AKAP19: variants seen among roughly 807,000 people sequenced by gnomAD.
AKAP19 encodes the protein small A-kinase anchoring protein.
chr2:190,040,018 C>A, the AKAP19 span, among the ~76,000 whole-genome samples: 4 of 152,158 alleles, frequency 2.6e-5, no homozygotes, highest in African/African-American at 9.7e-5. Context: ...GAATGGTTTA[C>A]ATACATCTGG....
chr2:190,063,670 T>C, the AKAP19 span, among the ~76,000 whole-genome samples: 1 of 152,134 alleles, frequency 6.6e-6, no homozygotes, highest in African/African-American at 2.4e-5. Flanking sequence ...AGCATCATGA[T>C]AAAGGGGTGA....
chr2:190,079,961 G>T, the AKAP19 span: 1 of 151,728 alleles, frequency 6.6e-6, no homozygotes, highest in African/African-American at 2.4e-5. Context: ...TAGCCTATTG[G>T]ACCTGCCAGC....
At chr2:189,967,588 C>T in the AKAP19 span, among the ~76,000 whole-genome samples, 5,139 of 151,892 alleles carry the variant, frequency 0.034, 273 homozygotes, top group African/African-American at 0.11. Context: ...AGAATGTCAC[C>T]AAAAGAAATT....
At chr2:190,188,787 T>C in the AKAP19 span, among the ~76,000 whole-genome samples, 1 of 152,204 alleles carries the variant, frequency 6.6e-6, no homozygotes, top group Non-Finnish European at 1.5e-5. Context: ...AACTTTTTTT[T>C]CCCTCTTGGC....
At chr2:190,038,907 C>CTTTCTTTCTTTCTTTCTTTCTTT in the AKAP19 span, among the ~76,000 whole-genome samples, 1 of 75,948 alleles carries the variant, frequency 1.3e-5, no homozygotes, top group African/African-American at 9.7e-5. Flanking sequence ...TTTCTTTCTT[C>CTTTCTTTCTTTCTTTCTTTCTTT]TTCTTCTTCT....
the AKAP19 span, among the ~76,000 whole-genome samples, chr2:190,043,405 T>C: frequency 6.6e-6 from 1 of 152,332 alleles, no homozygotes; most frequent in South Asian, 2.1e-4. Flanking sequence ...TATTCTTTTT[T>C]CTTTATTTTT....
chr2:190,004,420 TAC>T, the AKAP19 span, among the ~76,000 whole-genome samples: 1 of 152,180 alleles, frequency 6.6e-6, no homozygotes, highest in Non-Finnish European at 1.5e-5. Flanking sequence ...TGAAAATTCT[TAC>T]AGTGACCCGT....
chr2:189,949,921 C>T, the AKAP19 span, among the ~76,000 whole-genome samples: 2 of 151,580 alleles, frequency 1.3e-5, no homozygotes, highest in Non-Finnish European at 2.9e-5. Context: ...TGAGCCACCA[C>T]GCCTGGCCTG....
At chr2:190,129,152 T>A in the AKAP19 span, among the ~76,000 whole-genome samples, 1 of 152,214 alleles carries the variant, frequency 6.6e-6, no homozygotes, top group Non-Finnish European at 1.5e-5. Flanking sequence ...TCTGCCTCAT[T>A]TTTTAATAGC....
the AKAP19 span, among the ~76,000 whole-genome samples, chr2:190,020,794 A>G: frequency 6.6e-5 from 10 of 152,142 alleles, no homozygotes; most frequent in Admixed American, 2.0e-4. Context: ...TCTACTTTCT[A>G]TCTTTATGAG....
chr2:190,131,385 T>C, the AKAP19 span, among the ~76,000 whole-genome samples: 1 of 152,274 alleles, frequency 6.6e-6, no homozygotes, highest in East Asian at 1.9e-4. Flanking sequence ...ATCCCTGAAC[T>C]ATGGGGTTTG....
the AKAP19 span, among the ~76,000 whole-genome samples, chr2:190,025,250 A>T: frequency 1.2e-4 from 19 of 152,166 alleles, no homozygotes; most frequent in African/African-American, 4.6e-4. Flanking sequence ...TGAATTATAC[A>T]CAATTTGTTA....
chr2:190,021,999 G>A, the AKAP19 span, among the ~76,000 whole-genome samples: 2 of 152,164 alleles, frequency 1.3e-5, no homozygotes, highest in Middle Eastern at 3.2e-3. Flanking sequence ...ATGGCATCAC[G>A]TGGTTAGGGG....
the AKAP19 span, among the ~76,000 whole-genome samples, chr2:189,946,999 TAA>T: frequency 6.6e-6 from 1 of 152,242 alleles, no homozygotes; most frequent in Non-Finnish European, 1.5e-5. Flanking sequence ...CGGCCATATA[TAA>T]GTTGTTCAAA....
the AKAP19 span, among the ~76,000 whole-genome samples, chr2:190,017,344 C>G: frequency 1.3e-5 from 2 of 151,876 alleles, no homozygotes; most frequent in African/African-American, 4.8e-5. Flanking sequence ...TTTTATTTTG[C>G]TTTTTTCTGT....
the AKAP19 span, among the ~76,000 whole-genome samples, chr2:189,905,436 A>G: frequency 1.2e-4 from 18 of 152,038 alleles, no homozygotes; most frequent in Admixed American, 3.3e-4. Context: ...TAATTTCCCT[A>G]CCTGCCACAC....
chr2:190,052,704 G>T, the AKAP19 span, among the ~76,000 whole-genome samples: 2 of 152,130 alleles, frequency 1.3e-5, no homozygotes, highest in African/African-American at 2.4e-5. Context: ...TGTAGGAAAA[G>T]GTTTCTCAAT....
the AKAP19 span, among the ~76,000 whole-genome samples, chr2:190,129,135 A>T: frequency 6.6e-6 from 1 of 152,214 alleles, no homozygotes; most frequent in Non-Finnish European, 1.5e-5. Flanking sequence ...AAATCAGTAC[A>T]TGTATATCTG....
chr2:189,890,273 C>T, the AKAP19 span, among the ~76,000 whole-genome samples: 1 of 152,170 alleles, frequency 6.6e-6, no homozygotes, highest in Non-Finnish European at 1.5e-5. Context: ...TTTGATTGCA[C>T]TGTGGTCTGA....
Sources: allele counts gnomAD v4.1 joint callset (sites outside exome capture counted in the v4.1 genomes callset), GRCh38; gene constraint gnomAD v4.1.1; transcripts MANE v1.5; gene names NCBI Gene and HGNC (gene_info 2026-07-23, HGNC 2026-07-21).